Variants in FRMD4A observed in about 807,000 individuals in gnomAD.
The protein encoded by FRMD4A is FERM domain containing 4A, also known as FERM domain-containing protein 4A.
FRMD4A carries 29 observed loss-of-function variants against 129.1 expected under a neutral mutation model. The ratio of observed to expected loss-of-function variants is 0.22; its 90% confidence interval spans 0.17 to 0.31. The LOEUF is 0.31. Ranked by LOEUF, FRMD4A falls within the 10% of genes least tolerant of loss-of-function variation. The pLI is 1.00. For missense variants in FRMD4A, 1,272 were observed against 1,375.8 expected, an observed-to-expected ratio of 0.92 and a Z score of 1.19; for synonymous variants, 634 against 571.6, an observed-to-expected ratio of 1.11 and a Z score of -1.56.
chr10:13,974,987 G>A (rs1332418932), intron 2 of FRMD4A, among the ~76,000 whole-genome samples: 2 of 151,694 alleles, frequency 1.3e-5, no homozygotes. Flanking sequence ...ATAGGTGTGT[G>A]TGTGTGTGTC....
At chr10:14,104,572 G>C (rs1229895008) in intron 2 of FRMD4A, among the ~76,000 whole-genome samples, 1 of 152,186 alleles carries the variant, frequency 6.6e-6, no homozygotes, top group East Asian at 1.9e-4. Context: ...GCCCCGCTCA[G>C]TGGCCCTGGC....
At chr10:14,231,811 T>C (rs996217941) in intron 2 of FRMD4A, among the ~76,000 whole-genome samples, 12 of 152,206 alleles carry the variant, frequency 7.9e-5, no homozygotes, top group African/African-American at 2.9e-4. Flanking sequence ...TTACATTTCT[T>C]ATAGATGCTC....
At chr10:14,279,100 T>A (rs1845434392) in intron 2 of FRMD4A, among the ~76,000 whole-genome samples, 1 of 152,114 alleles carries the variant, frequency 6.6e-6, no homozygotes, top group Non-Finnish European at 1.5e-5. Context: ...ATGGCCTTGA[T>A]TCATGGGTAT....
intron 15 of FRMD4A, among the ~76,000 whole-genome samples, chr10:13,680,618 T>TG (rs921482232): frequency 6.6e-6 from 1 of 151,704 alleles, no homozygotes. Flanking sequence ...CCCAGCTACT[T>TG]GGGGAGCCGA....
intron 15 of FRMD4A, chr10:13,693,546 A>G (rs956576685): frequency 1.6e-4 from 186 of 1,199,722 alleles, no homozygotes; most frequent in Non-Finnish European, 1.7e-4. Flanking sequence ...AAGTGGGCAC[A>G]TGAGCGGATT....
intron 2 of FRMD4A, among the ~76,000 whole-genome samples, chr10:13,860,122 G>A (rs1382217440): frequency 6.6e-6 from 1 of 152,164 alleles, no homozygotes; most frequent in Non-Finnish European, 1.5e-5. Context: ...GATGTCAACT[G>A]GTGACTGTCC....
In FRMD4A at chr10:13,949,735, G is replaced by A. The variant is rs140772403; in HGVS notation, c.46-90823C>T. On this transcript the variant is annotated intron_variant, in intron 2 of 24. Coordinates refer to ENST00000357447, the MANE Select transcript of FRMD4A (RefSeq NM_018027.5). ...TATAAATCCTTATTTTATAGACGAG[G>A]GCACTAAGAGCCAGAGTGTGTAAGG... Among the ~76,000 whole-genome samples the A allele has an allele frequency of 1.6e-3, 248 of 152,218 alleles. 1 individual carries two copies. Among genetic ancestry groups the A allele is most frequent in the African/African-American group, 5.7e-3 (236 of 41,530 alleles).
intron 13 of FRMD4A, among the ~76,000 whole-genome samples, chr10:13,703,740 T>C (rs2087106202): frequency 6.6e-6 from 1 of 152,156 alleles, no homozygotes; most frequent in South Asian, 2.1e-4. Context: ...AGAGAGGACT[T>C]GCAATGATAC....
At chr10:13,793,439 A>T (rs2130816048) in intron 5 of FRMD4A, among the ~76,000 whole-genome samples, 2 of 152,264 alleles carry the variant, frequency 1.3e-5, no homozygotes, top group South Asian at 4.1e-4. Flanking sequence ...CCGAAAGTAC[A>T]GGCATGAACC....
At chr10:13,806,688 C>T (rs1001623393) in intron 4 of FRMD4A, among the ~76,000 whole-genome samples, 2 of 152,208 alleles carry the variant, frequency 1.3e-5, no homozygotes, top group Non-Finnish European at 2.9e-5. Context: ...TGAGGTCACA[C>T]CCAAGCTGAT....
intron 2 of FRMD4A, among the ~76,000 whole-genome samples, chr10:14,073,263 GC>G (rs918052558): frequency 1.2e-4 from 18 of 152,254 alleles, no homozygotes; most frequent in African/African-American, 4.3e-4. Context: ...GGGAGTGAGG[GC>G]GAGTTGGATG....
At chr10:13,837,684 G>A (rs2093897894) in intron 3 of FRMD4A, among the ~76,000 whole-genome samples, 1 of 152,194 alleles carries the variant, frequency 6.6e-6, no homozygotes, top group Non-Finnish European at 1.5e-5. Context: ...CTGACTGACA[G>A]TGCAACCTTG....
intron 2 of FRMD4A, among the ~76,000 whole-genome samples, chr10:14,286,832 G>A (rs1302295168): frequency 6.6e-6 from 1 of 151,956 alleles, no homozygotes; most frequent in Non-Finnish European, 1.5e-5. Flanking sequence ...GGGGATGGAG[G>A]GAGACAGAGT....
chr10:13,867,716 T>G (rs1277901428), intron 2 of FRMD4A, among the ~76,000 whole-genome samples: 1 of 109,714 alleles, frequency 9.1e-6, no homozygotes, highest in African/African-American at 4.0e-5. Flanking sequence ...AAATAACATA[T>G]AATATAATAT....
Position 14,282,404 on chromosome 10 carries a change from A to G in FRMD4A, c.45+47654T>C, listed in dbSNP as rs1478037065. Among the ~76,000 whole-genome samples the G allele has an allele frequency of 2.0e-5, 3 of 152,328 alleles. No individual in the cohort carries two copies. In the East Asian group the frequency reaches 5.8e-4, roughly 29 times the overall value. ...ATAAACTAGCAATTGTGATTCATCT[A>G]TCCTTCCAGAAGGCTTAATAGTCTC... On this transcript the variant is annotated intron_variant, in intron 2 of 24. Coordinates refer to ENST00000357447, the MANE Select transcript of FRMD4A (RefSeq NM_018027.5).
At chr10:13,840,272 C>CA (rs1333852975) in intron 3 of FRMD4A, among the ~76,000 whole-genome samples, 2 of 151,978 alleles carry the variant, frequency 1.3e-5, no homozygotes, top group Non-Finnish European at 2.9e-5. Flanking sequence ...GGAAGAGAAC[C>CA]AGGGATACTC....
At chr10:14,322,843 A>C (rs1282577458) in intron 2 of FRMD4A, among the ~76,000 whole-genome samples, 3 of 152,242 alleles carry the variant, frequency 2.0e-5, no homozygotes, top group Admixed American at 2.0e-4. Flanking sequence ...TACTTGCACC[A>C]GTAATGTATG....
chr10:14,171,133 T>TA (rs1841456527), intron 2 of FRMD4A, among the ~76,000 whole-genome samples: 1 of 152,022 alleles, frequency 6.6e-6, no homozygotes, highest in African/African-American at 2.4e-5. Context: ...AAGGACACAT[T>TA]AAAAAAATTC....
At chr10:14,088,029 A>G (rs1457944479) in intron 2 of FRMD4A, among the ~76,000 whole-genome samples, 1 of 152,214 alleles carries the variant, frequency 6.6e-6, no homozygotes, top group Non-Finnish European at 1.5e-5. Flanking sequence ...ATCTGGAAGG[A>G]GAGCAGAAAC....
Sources: allele counts gnomAD v4.1 joint callset (sites outside exome capture counted in the v4.1 genomes callset), GRCh38; gene constraint gnomAD v4.1.1; transcripts MANE v1.5; gene names NCBI Gene and HGNC (gene_info 2026-07-23, HGNC 2026-07-21).